Variants in EML6 observed in about 807,000 individuals in gnomAD.
The protein encoded by EML6 is EMAP like 6.
Under a neutral mutation model 240.1 loss-of-function variants are expected in EML6, and 154 were observed. The ratio of observed to expected loss-of-function variants is 0.64; its 90% CI spans 0.56 to 0.73. The LOEUF is 0.73. EML6 is among the 30% of genes least tolerant of loss of function. EML6 has a pLI of 0.00. For synonymous variants in EML6, 1,148 were observed against 899.0 expected (o/e 1.28, Z -4.95); for missense variants, 2,964 against 2,474.6 (o/e 1.20, Z -4.20).
At chr2:54,799,589 C>A (rs867773011) in intron 2 of EML6, among the ~76,000 whole-genome samples, 1 of 152,046 alleles carries the variant, frequency 6.6e-6, no homozygotes, top group Non-Finnish European at 1.5e-5. Context: ...GTGATTCACC[C>A]GCCTTGGCCT....
chr2:54,946,751 A>G (rs1034536500), intron 28 of EML6, among the ~76,000 whole-genome samples: 2 of 152,238 alleles, frequency 1.3e-5, no homozygotes, highest in Admixed American at 1.3e-4. Flanking sequence ...CGCAGAATCC[A>G]CAACCGCGAA....
chr2:54,851,929 G>T (rs1442945543), intron 10 of EML6, among the ~76,000 whole-genome samples: 1 of 152,134 alleles, frequency 6.6e-6, no homozygotes, highest in Non-Finnish European at 1.5e-5. Context: ...GGGATAGTCG[G>T]CTACATTATC....
At chr2:54,953,839 C>T (rs1418059314) in intron 31 of EML6, 144 bp from the exon 32 acceptor site, 11 of 628,348 alleles carry the variant, frequency 1.8e-5, no homozygotes, top group Non-Finnish European at 2.9e-5. Context: ...GTGAGCTGAG[C>T]TGGTGCCACT....
Position 54,829,462 on chromosome 2 carries a change from G to C in EML6, c.832G>C (p.Glu278Gln). ...PITKIDLRET[E>Q]QGYKGLSIRS... Reference sequence around the variant, plus strand: ...AACCAAAATTGATCTCAGGGAGACAGAACAAGGATACAAAGGTAATATATG... The same window carrying C: ...AACCAAAATTGATCTCAGGGAGACACAACAAGGATACAAAGGTAATATATG... Residue 278 changes from glutamate (E) to glutamine (Q), a missense_variant, in exon 7 of 42, where the codon GAA becomes CAA. Glu to Gln is a conservative substitution (Grantham distance 29). Coordinates refer to ENST00000356458, the MANE Select transcript of EML6 (RefSeq NM_001039753.4). 1.3e-6 allele frequency: 2 copies of C among 1,551,484 alleles called. No homozygotes were observed. Among genetic ancestry groups the C allele is most frequent in the African/African-American group, 2.7e-5 (2 of 73,154 alleles).
At chr2:54,909,850 C>CAAA (rs34171697) in intron 24 of EML6, among the ~76,000 whole-genome samples, 39 of 68,422 alleles carry the variant, frequency 5.7e-4, no homozygotes, top group East Asian at 1.2e-3. Context: ...GACTCCATCT[C>CAAA]AAAAAAAAAA....
chr2:54,763,043 G>A lies in EML6; in HGVS notation c.197+37785G>A, dbSNP rs953656877. On this transcript the variant is annotated intron_variant, in intron 2 of 41. Coordinates refer to ENST00000356458, the MANE Select transcript of EML6 (RefSeq NM_001039753.4). ...GCTTCCCACCCTACATTCTTCCTTG[G>A]TTTCTCCCATTTATTATTTATGTCT... Among the ~76,000 whole-genome samples the A allele has an allele frequency of 1.5e-4, 23 of 152,146 alleles. No homozygotes were observed. The South Asian group carries it at 2.5e-3, about 16-fold the overall frequency.
Position 54,957,993 on chromosome 2 carries a change from G to A in EML6, c.4690G>A (p.Gly1564Ser), listed in dbSNP as rs1218973737. ...KMQTMLSVAFGANNLTFTGAI... is the reference protein window; with the variant it reads ...KMQTMLSVAFSANNLTFTGAI... ...GCAGACGATGCTCTCCGTGGCCTTC[G>A]GTGCTGTGAGTTCTAGCAGATACTC... The change falls in exon 33 of 42, where the codon GGT (glycine) becomes AGT (serine). Residue 1564 changes from glycine to serine, a missense_variant. By Grantham distance (56) the Gly-to-Ser change is moderately conservative. Transcript: ENST00000356458. The A allele has an allele frequency of 3.9e-6, 6 of 1,549,458 alleles. No homozygotes were observed. Among genetic ancestry groups the A allele is most frequent in the Admixed American group, 2.0e-5 (1 of 50,922 alleles).
chr2:54,871,603 C>T lies in EML6; in HGVS notation c.2342C>T (p.Ser781Leu). The T allele has an allele frequency of 1.3e-6, 2 of 1,547,282 alleles. No homozygotes were observed. The highest frequency in any genetic ancestry group is 1.7e-6 in the Non-Finnish European group (2 of 1,142,912). ...HQRGVCALDF[S>L]ADGKCLVSVG... ...AGAGGAGTGTGTGCACTTGATTTTT[C>T]AGGTAAGGTCCAGAGTGATTGACAC... The change falls in exon 16 of 42, where the codon TCA becomes TTA. Residue 781 changes from serine to leucine, a missense_variant and splice_region_variant. Coordinates refer to ENST00000356458, the MANE Select transcript of EML6 (RefSeq NM_001039753.4).
chr2:54,846,923 A>ATTTTTTTTTTTTTTCTTT (rs34352060), intron 8 of EML6, among the ~76,000 whole-genome samples: 1 of 129,912 alleles, frequency 7.7e-6, no homozygotes, highest in Non-Finnish European at 1.6e-5. Flanking sequence ...ATGAAGTAGT[A>ATTTTTTTTTTTTTTCTTT]TTTTTTTTTT....
chr2:54,834,650 A>G (rs1170466747), intron 7 of EML6, among the ~76,000 whole-genome samples: 1 of 152,160 alleles, frequency 6.6e-6, no homozygotes, highest in Non-Finnish European at 1.5e-5. Flanking sequence ...CTACCAACAC[A>G]TATTTATTGA....
intron 10 of EML6, among the ~76,000 whole-genome samples, chr2:54,852,975 C>T (rs919014016): frequency 3.9e-5 from 6 of 152,222 alleles, no homozygotes; most frequent in East Asian, 1.9e-4. Context: ...CACAGCACAA[C>T]GGTCGGGATT....
At chr2:54,743,446 C>T (rs984940756) in intron 2 of EML6, among the ~76,000 whole-genome samples, 1 of 152,202 alleles carries the variant, frequency 6.6e-6, no homozygotes, top group African/African-American at 2.4e-5. Flanking sequence ...CTATTATTTT[C>T]AAAGACGTAT....
chr2:54,789,157 C>G (rs1049297720), intron 2 of EML6, among the ~76,000 whole-genome samples: 3 of 152,154 alleles, frequency 2.0e-5, no homozygotes, highest in Non-Finnish European at 4.4e-5. Flanking sequence ...CGTAAACAAA[C>G]AAAAACAGCA....
chr2:54,789,217 A>G (rs1056359378), intron 2 of EML6, among the ~76,000 whole-genome samples: 19 of 152,168 alleles, frequency 1.2e-4, no homozygotes, highest in African/African-American at 4.6e-4. Flanking sequence ...GACCTTTAGA[A>G]AGAATGTGCT....
At chr2:54,909,671 C>T (rs1173184704) in intron 24 of EML6, among the ~76,000 whole-genome samples, 1 of 152,066 alleles carries the variant, frequency 6.6e-6, no homozygotes, top group Non-Finnish European at 1.5e-5. Context: ...CATGATGACT[C>T]TCTGTCTCTA....
chr2:54,736,973 TG>T (rs1314997641), intron 2 of EML6, among the ~76,000 whole-genome samples: 1 of 152,210 alleles, frequency 6.6e-6, no homozygotes, highest in East Asian at 1.9e-4. Flanking sequence ...ATTGAGGGAA[TG>T]TCCAGGTTAA....
chr2:54,842,738 C>T (rs534124166), intron 7 of EML6, among the ~76,000 whole-genome samples: 6 of 152,094 alleles, frequency 3.9e-5, no homozygotes, highest in Admixed American at 6.5e-5. Context: ...GAACAGACTG[C>T]AAAAAATCCA....
Position 54,964,698 on chromosome 2 carries a change from C to G in EML6, c.5458C>G (p.Gln1820Glu). The change falls in exon 38 of 42, where the codon CAG becomes GAG. Residue 1820 changes from glutamine to glutamate, a missense_variant. Transcript: ENST00000356458. ...CAAAGATATCCCAAGCTTTGTCATT[C>G]AGATGGATTTTTCTGCGGATGGCAA... ...YCKDIPSFVI[Q>E]MDFSADGKYI... The G allele has an allele frequency of 6.4e-7, 1 of 1,552,060 alleles. No homozygotes were observed. Among genetic ancestry groups the G allele is most frequent in the South Asian group, 1.2e-5 (1 of 84,062 alleles).
rs550734016 is a variant in EML6 at position 54,925,801 on chromosome 2, T to C, written c.3676-2512T>C. On this transcript the variant is annotated intron_variant, in intron 26 of 41. Coordinates refer to ENST00000356458, the MANE Select transcript of EML6 (RefSeq NM_001039753.4). ...GTTTTTTGACACCATCTGTATGGCC[T>C]GCAGATTGCTTCCCATAGCCTCCCT... is the stretch of plus-strand genomic sequence containing the variant. 1.5e-4 allele frequency among the ~76,000 whole-genome samples: 23 copies of C among 152,330 alleles called. No homozygotes were observed. The South Asian group carries it at 3.5e-3, about 23-fold the overall frequency.
Sources: allele counts gnomAD v4.1 joint callset (sites outside exome capture counted in the v4.1 genomes callset), GRCh38; gene constraint gnomAD v4.1.1; transcripts MANE v1.5; gene names NCBI Gene and HGNC (gene_info 2026-07-23, HGNC 2026-07-21).